The following PTPRM variants were observed in gnomAD, a reference collection of about 807,000 sequenced individuals.
The protein encoded by PTPRM is protein tyrosine phosphatase receptor type M.
PTPRM carries 47 observed loss-of-function variants against 186.7 expected under a neutral mutation model. The observed-to-expected ratio is 0.25, with a 90% CI of 0.20 to 0.32. The LOEUF (loss-of-function observed/expected upper bound fraction) is 0.32. PTPRM is among the 10% of genes least tolerant of loss of function. The pLI is 1.00. For synonymous variants in PTPRM, 668 were observed against 674.9 expected (o/e 0.99, Z 0.16); for missense variants, 1,494 against 1,865.0 (o/e 0.80, Z 3.66).
chr18:8,352,652 G>GTTTTTTTTTTTTTTTTT (rs142090056), intron 23 of PTPRM, among the ~76,000 whole-genome samples: 3 of 102,224 alleles, frequency 2.9e-5, no homozygotes, highest in Non-Finnish European at 4.4e-5. Context: ...TTTTTGGTTT[G>GTTTTTTTTTTTTTTTTT]GTTTTTTTTG....
At chr18:7,983,320 A>T (rs1212935009) in intron 7 of PTPRM, among the ~76,000 whole-genome samples, 1 of 152,014 alleles carries the variant, frequency 6.6e-6, no homozygotes, top group African/African-American at 2.4e-5. Context: ...TGATGATCTG[A>T]GGGGGAACAG....
At chr18:8,057,141 A>G (rs2088031160) in intron 7 of PTPRM, among the ~76,000 whole-genome samples, 1 of 151,104 alleles carries the variant, frequency 6.6e-6, no homozygotes, top group Non-Finnish European at 1.5e-5. Context: ...GTACAAAACC[A>G]TGTTTGGGAA....
intron 1 of PTPRM, among the ~76,000 whole-genome samples, chr18:7,749,753 G>A (rs947813449): frequency 6.6e-6 from 1 of 152,200 alleles, no homozygotes; most frequent in African/African-American, 2.4e-5. Flanking sequence ...TTTATAAAGT[G>A]TAGATATATA....
chr18:7,697,930 G>A (rs1035111857), intron 1 of PTPRM, among the ~76,000 whole-genome samples: 1 of 152,190 alleles, frequency 6.6e-6, no homozygotes, highest in East Asian at 1.9e-4. Context: ...TTGCCAAGTG[G>A]TAAAAACTGA....
chr18:7,848,258 A>G (rs1481184711), intron 2 of PTPRM, among the ~76,000 whole-genome samples: 1 of 152,190 alleles, frequency 6.6e-6, no homozygotes, highest in South Asian at 2.1e-4. Flanking sequence ...TAAGTTGAAC[A>G]TTTTGGAGTT....
intron 19 of PTPRM, among the ~76,000 whole-genome samples, chr18:8,284,050 C>G (rs938759620): frequency 1.3e-5 from 2 of 152,032 alleles, no homozygotes; most frequent in Admixed American, 6.6e-5. Context: ...ACTCAGATTC[C>G]CTTTCAGGAA....
chr18:7,685,600 G>A (rs182774195), intron 1 of PTPRM, among the ~76,000 whole-genome samples: 2 of 152,336 alleles, frequency 1.3e-5, no homozygotes, highest in Admixed American at 6.5e-5. Flanking sequence ...TGGATCATAA[G>A]TTAGAAGGTT....
Position 7,694,987 on chromosome 18 carries a change from T to G in PTPRM, c.74-79162T>G, listed in dbSNP as rs1458607108. On this transcript the variant is annotated intron_variant, in intron 1 of 32. Transcript: ENST00000580170. ...AGTCTTTCCTAAGCGCTTTTCCATT[T>G]AATCCTGACAGTCGCCATGAGAAGG... 2.0e-5 allele frequency among the ~76,000 whole-genome samples: 3 copies of G among 152,202 alleles called. No individual in the cohort carries two copies. The South Asian group carries it at 6.2e-4, about 32-fold the overall frequency.
At chr18:7,877,119 G>A (rs924072584) in intron 2 of PTPRM, among the ~76,000 whole-genome samples, 1 of 151,868 alleles carries the variant, frequency 6.6e-6, no homozygotes, top group African/African-American at 2.4e-5. Context: ...TTTAATAATT[G>A]GTTTTATAAG....
Position 8,113,648 on chromosome 18 carries a change from G to T in PTPRM, c.2019G>T (p.Ala673=), listed in dbSNP as rs149158808. 9 of 1,613,858 alleles carry T rather than the reference G, an allele frequency of 5.6e-6. No individual in the cohort carries two copies. The highest frequency in any genetic ancestry group is 6.8e-6 in the Non-Finnish European group (8 of 1,179,924). ...AEFPADSLQA[A]QPFTIGDNKT... is the part of the protein sequence containing the mutation. Reference sequence around the variant, plus strand: ...TTCCTGCAGACAGCCTCCAAGCTGCGCAGCCTTTTACAATTGGTGATAATA... The same window carrying T: ...TTCCTGCAGACAGCCTCCAAGCTGCTCAGCCTTTTACAATTGGTGATAATA... The change falls in exon 12 of 33, where the codon GCG becomes GCT. Residue 673 remains alanine (A), a synonymous_variant. Transcript: ENST00000580170.
chr18:7,936,697 G>C (rs1016155411), intron 5 of PTPRM, among the ~76,000 whole-genome samples: 1 of 152,174 alleles, frequency 6.6e-6, no homozygotes, highest in Non-Finnish European at 1.5e-5. Flanking sequence ...GCCAAGGAAG[G>C]CCTGAAGCCT....
chr18:8,016,747 T>G (rs543444594), intron 7 of PTPRM, among the ~76,000 whole-genome samples: 1 of 152,198 alleles, frequency 6.6e-6, no homozygotes, highest in Admixed American at 6.5e-5. Flanking sequence ...TCATTAACAT[T>G]GCTGTTGATT....
intron 7 of PTPRM, among the ~76,000 whole-genome samples, chr18:7,976,061 C>G (rs191927804): frequency 2.0e-5 from 3 of 152,218 alleles, no homozygotes; most frequent in African/African-American, 7.2e-5. Context: ...CCCAGCTACT[C>G]AGGAGGCTGA....
intron 1 of PTPRM, among the ~76,000 whole-genome samples, chr18:7,570,202 T>C (rs77509547): frequency 0.014 from 2,110 of 152,360 alleles, 25 homozygotes; most frequent in Non-Finnish European, 0.023. Context: ...TTATTTATTT[T>C]TCTCTCCATA....
chr18:8,118,331 G>GT (rs1422211402), intron 13 of PTPRM, among the ~76,000 whole-genome samples: 1 of 151,962 alleles, frequency 6.6e-6, no homozygotes, highest in South Asian at 2.1e-4. Context: ...GTGCTTTGGG[G>GT]TTTTTTTGGG....
At chr18:8,215,336 A>G (rs1232496836) in intron 14 of PTPRM, among the ~76,000 whole-genome samples, 1 of 151,968 alleles carries the variant, frequency 6.6e-6, no homozygotes, top group African/African-American at 2.4e-5. Context: ...GAAACTTTTC[A>G]AGAATCTGCC....
At chr18:8,129,485 A>G (rs185999904) in intron 13 of PTPRM, among the ~76,000 whole-genome samples, 10 of 151,652 alleles carry the variant, frequency 6.6e-5, no homozygotes, top group Admixed American at 3.3e-4. Context: ...AATTTAAAGT[A>G]TAAGGAATCA....
chr18:8,137,501 G>A (rs142361452), intron 13 of PTPRM, among the ~76,000 whole-genome samples: 150 of 152,266 alleles, frequency 9.9e-4, no homozygotes, highest in African/African-American at 3.4e-3. Flanking sequence ...CCTTCCCATG[G>A]CTCCCCAACT....
intron 7 of PTPRM, among the ~76,000 whole-genome samples, chr18:8,050,887 C>T (rs537338226): frequency 1.3e-5 from 2 of 152,094 alleles, no homozygotes; most frequent in African/African-American, 2.4e-5. Flanking sequence ...TCATATCTAG[C>T]ACTAAGTTTC....
Sources: gnomAD v4.1 joint callset for allele counts (sites outside exome capture counted in the v4.1 genomes callset) on GRCh38, gnomAD v4.1.1 for gene constraint, MANE v1.5 for transcripts, NCBI Gene and HGNC (gene_info 2026-07-23, HGNC 2026-07-21) for gene names.